AFF1: variants seen among roughly 807,000 people sequenced by gnomAD.
The protein encoded by AFF1 is ALF transcription elongation factor 1.
Under a neutral mutation model 121.7 loss-of-function variants are expected in AFF1, and 48 were observed. The ratio of observed to expected loss-of-function variants is 0.39; its 90% CI spans 0.31 to 0.50. The LOEUF (loss-of-function observed/expected upper bound fraction) is 0.50, where lower values mean the gene tolerates loss of function less well. Among genes scored for constraint, AFF1 ranks in the 20% least tolerant of loss-of-function variants. The pLI, the probability that AFF1 is intolerant of heterozygous loss-of-function variation, is 0.76. For synonymous variants in AFF1, 613 were observed against 563.0 expected (o/e 1.09, Z -1.26); for missense variants, 1,523 against 1,511.7 (o/e 1.01, Z -0.12).
rs1031627540 is a variant in AFF1 at position 87,117,874 on chromosome 4, CTGCT to C, written c.2466+2578_2466+2581del. ...CCCCCCTTCCTCATTAGCGCCCTGA[CTGCT>C]TGTTAGGGCTCTCTGCCTCTGGCCC... On this transcript the variant is annotated intron_variant, in intron 12 of 20. Transcript: ENST00000395146. Among the ~76,000 whole-genome samples the C allele has an allele frequency of 5.9e-5, 9 of 152,244 alleles. 1 individual carries two copies. Among genetic ancestry groups the C allele is most frequent in the African/African-American group, 2.2e-4 (9 of 41,556 alleles).
Position 87,105,632 on chromosome 4 carries a change from C to T in AFF1, c.1288C>T (p.Leu430Phe), listed in dbSNP as rs756336796. ...SNSQQGTSSMLEDDLQLSDSE... is the reference protein window; with the variant it reads ...SNSQQGTSSMFEDDLQLSDSE... Reference sequence around the variant, plus strand: ...CTGTGTCCCTGCCCATTCCAGCATGCTCGAAGACGACCTTCAGCTCAGTGA... The same window carrying T: ...CTGTGTCCCTGCCCATTCCAGCATGTTCGAAGACGACCTTCAGCTCAGTGA... Residue 430 changes from leucine (L) to phenylalanine (F), a missense_variant, in exon 9 of 21, where the codon CTC becomes TTC. Around this residue, in one of 5 missense-constraint regions of AFF1, gnomAD observed 905 missense variants for 842.5 expected, o/e 1.07. Coordinates refer to ENST00000395146, the MANE Select transcript of AFF1 (RefSeq NM_001166693.3). 4 of 1,614,174 alleles carry T rather than the reference C, an allele frequency of 2.5e-6. No individual in the cohort carries two copies. The South Asian group carries it at 4.4e-5, about 18-fold the overall frequency.
intron 2 of AFF1, among the ~76,000 whole-genome samples, chr4:87,017,477 A>C (rs1008526921): frequency 1.3e-5 from 2 of 152,204 alleles, no homozygotes; most frequent in South Asian, 2.1e-4. Context: ...AAGAAAGCCA[A>C]ATTAAGTTTA....
At chr4:87,127,166 T>TGGGG in intron 15 of AFF1, 49 bp downstream of exon 15, 5 of 1,084,590 alleles carry the variant, frequency 4.6e-6, no homozygotes, top group East Asian at 3.2e-5. Context: ...TTGTTTTGCT[T>TGGGG]CCCCCCCCCA....
At chr4:86,940,725 A>G (rs1720394603) in intron 1 of AFF1, among the ~76,000 whole-genome samples, 1 of 152,060 alleles carries the variant, frequency 6.6e-6, no homozygotes, top group Admixed American at 6.6e-5. Context: ...AGTTGTCAGT[A>G]AGTGTGTCTG....
chr4:86,952,132 C>T (rs1721396840), intron 2 of AFF1, among the ~76,000 whole-genome samples: 1 of 151,988 alleles, frequency 6.6e-6, no homozygotes, highest in African/African-American at 2.4e-5. Flanking sequence ...AATATTGAGG[C>T]AGATTCTTTG....
At chr4:86,980,051 C>A (rs756116428) in intron 2 of AFF1, among the ~76,000 whole-genome samples, 1 of 152,152 alleles carries the variant, frequency 6.6e-6, no homozygotes, top group African/African-American at 2.4e-5. Context: ...GGTGGGACTA[C>A]AGGCATGTGC....
chr4:86,964,408 C>T (rs1329674235), intron 2 of AFF1, among the ~76,000 whole-genome samples: 3 of 151,512 alleles, frequency 2.0e-5, no homozygotes, highest in African/African-American at 7.3e-5. Context: ...AGCCACCGCA[C>T]CCAGCCGCCT....
intron 2 of AFF1, among the ~76,000 whole-genome samples, chr4:87,029,730 C>T (rs991781189): frequency 1.3e-5 from 2 of 152,056 alleles, no homozygotes; most frequent in Non-Finnish European, 2.9e-5. Context: ...GTGTTAAGTC[C>T]GTTATTCACT....
In AFF1 at chr4:87,036,417, G is replaced by A. The variant is rs143935216; in HGVS notation, c.39-9749G>A. ...TGAGAAGTGATTTTTTTTCACTGGTGTGGTTTGTGTAATTGTTCTATATAC... is the reference window on the plus strand; with the variant it reads ...TGAGAAGTGATTTTTTTTCACTGGTATGGTTTGTGTAATTGTTCTATATAC... On this transcript the variant is annotated intron_variant, in intron 2 of 20. Transcript: ENST00000395146. Among the ~76,000 whole-genome samples, 1,397 of 152,224 alleles carry A rather than the reference G, an allele frequency of 9.2e-3. 21 individuals carry two copies. Among genetic ancestry groups the A allele is most frequent in the African/African-American group, 0.032 (1,341 of 41,538 alleles).
intron 2 of AFF1, among the ~76,000 whole-genome samples, chr4:87,005,794 TAAAGG>T (rs1726064172): frequency 6.6e-6 from 1 of 151,860 alleles, no homozygotes; most frequent in African/African-American, 2.4e-5. Context: ...ACGACAATCA[TAAAGG>T]AAACGCTTAA....
chr4:87,089,990 A>G lies in AFF1; in HGVS notation c.1111A>G (p.Thr371Ala). Residue 371 changes from threonine (T) to alanine (A), a missense_variant, in exon 6 of 21, where the codon ACC becomes GCC. Physicochemically the swap from Thr to Ala is moderately conservative, Grantham distance 58 (BLOSUM62 0). Coordinates refer to ENST00000395146, the MANE Select transcript of AFF1 (RefSeq NM_001166693.3). ...HCVEEILKEM[T>A]HSWPPPLTAI... ...TTTCCAAATATCTTTCCAGGAAATG[A>G]CCCATTCATGGCCGCCTCCTTTGAC... 6.2e-7 allele frequency: 1 copy of G among 1,613,334 alleles called. No individual in the cohort carries two copies. Among genetic ancestry groups the G allele is most frequent in the Non-Finnish European group, 8.5e-7 (1 of 1,179,546 alleles).
Position 87,127,034 on chromosome 4 carries a change from C to T in AFF1, c.2820C>T (p.Ser940=), listed in dbSNP as rs776984914. 53 of 1,613,422 alleles carry T rather than the reference C, an allele frequency of 3.3e-5. No homozygotes were observed. The highest frequency in any genetic ancestry group is 6.6e-5 in the South Asian group (6 of 91,042). ...TGATTTTTTTTTTGAAGGGTTCTTCCGGAGATACTGCAAATCCTTTTCCAG... is the reference window on the plus strand; with the variant it reads ...TGATTTTTTTTTTGAAGGGTTCTTCTGGAGATACTGCAAATCCTTTTCCAG... ...SRSSSEHKGS[S]GDTANPFPVP... Residue 940 remains serine (S), a synonymous_variant, in exon 15 of 21, where the codon TCC becomes TCT. Transcript: ENST00000395146.
chr4:87,043,258 G>T (rs1291666631), intron 2 of AFF1, among the ~76,000 whole-genome samples: 1 of 152,178 alleles, frequency 6.6e-6, no homozygotes, highest in Non-Finnish European at 1.5e-5. Context: ...GGTGAGAATA[G>T]CCAAGCAGAC....
chr4:87,031,410 A>G (rs757575747), intron 2 of AFF1, among the ~76,000 whole-genome samples: 15 of 150,980 alleles, frequency 9.9e-5, no homozygotes, highest in Non-Finnish European at 1.9e-4. Flanking sequence ...AGCACTTGTA[A>G]TCAACCTCTA....
Position 87,068,257 on chromosome 4 carries a change from G to GCCCCC in AFF1, c.1060-15857_1060-15853dup, listed in dbSNP as rs70957204. ...GGGCTATAATGTAAGCATGAAAATT[G>GCCCCC]CCCCCCCCCCACTCCATGAATAAAT... On this transcript the variant is annotated intron_variant, in intron 4 of 20. Coordinates refer to ENST00000395146, the MANE Select transcript of AFF1 (RefSeq NM_001166693.3). 4.5e-3 allele frequency among the ~76,000 whole-genome samples: 535 copies of GCCCCC among 119,950 alleles called. 6 individuals are homozygous for GCCCCC. The highest frequency in any genetic ancestry group is 6.3e-3 in the Non-Finnish European group (362 of 57,402). The allele number at this position is 119,950 out of a possible 152,430, so 78.7% of individuals were successfully genotyped here.
intron 2 of AFF1, among the ~76,000 whole-genome samples, chr4:86,995,263 CCCCCTT>C (rs1459689017): frequency 8.8e-5 from 11 of 124,462 alleles, no homozygotes; most frequent in African/African-American, 3.1e-4. Flanking sequence ...GAAAAATCTA[CCCCCTT>C]CCCCCTCCCC....
intron 2 of AFF1, among the ~76,000 whole-genome samples, chr4:86,985,318 C>G (rs1488514057): frequency 6.7e-6 from 1 of 150,114 alleles, no homozygotes. Context: ...TGAGACCAGC[C>G]TGGCCAACAT....
chr4:87,013,032 CTTTTTTTT>C (rs61071328), intron 2 of AFF1, among the ~76,000 whole-genome samples: 20,902 of 93,602 alleles, frequency 0.22, 2,007 homozygotes, highest in East Asian at 0.39. Flanking sequence ...CTATCAAGTT[CTTTTTTTT>C]TTTTTTTTTT....
At chr4:87,050,205 A>G (rs1345191695) in intron 4 of AFF1, among the ~76,000 whole-genome samples, 1 of 150,322 alleles carries the variant, frequency 6.7e-6, no homozygotes, top group African/African-American at 2.5e-5. Context: ...GCAGAAGGGG[A>G]AGCTGTCTCT....
Sources: allele counts gnomAD v4.1 joint callset (sites outside exome capture counted in the v4.1 genomes callset), GRCh38; gene constraint gnomAD v4.1.1; regional missense constraint gnomAD v4.1.1; transcripts MANE v1.5; gene names NCBI Gene and HGNC (gene_info 2026-07-23, HGNC 2026-07-21).